Variants in RSPO3 observed in about 807,000 individuals in gnomAD.
RSPO3 encodes R-spondin 3, also known as R-spondin-3.
Under a neutral mutation model 36.5 loss-of-function variants are expected in RSPO3, and 17 were observed. That is an observed-to-expected ratio of 0.47 (90% CI 0.32 to 0.70). The LOEUF (loss-of-function observed/expected upper bound fraction) is 0.70, where lower values mean the gene tolerates loss of function less well. RSPO3 is among the 30% of genes least tolerant of loss of function. RSPO3 has a pLI of 0.04. For missense variants in RSPO3, 294 were observed against 322.5 expected (o/e 0.91, Z 0.68); for synonymous variants, 108 against 107.0 (o/e 1.01, Z -0.06).
At position 127,130,736 on chromosome 6, in the gene RSPO3, CG is replaced by C. The variant is rs528858107; in HGVS notation, c.97+11449del. On this transcript the variant is annotated intron_variant, in intron 1 of 4. Coordinates refer to ENST00000356698, the MANE Select transcript of RSPO3 (RefSeq NM_032784.5). ...TGTAGTTTCTGCCATAAAATACAAA[CG>C]GTATGGACAAATGCTGCTTGGCCAC... 4.6e-3 allele frequency among the ~76,000 whole-genome samples: 696 copies of C among 152,162 alleles called. 9 individuals are homozygous for C. Among genetic ancestry groups the C allele is most frequent in the African/African-American group, 0.016 (663 of 41,536 alleles).
Position 127,122,393 on chromosome 6 carries a change from CT to C in RSPO3, c.97+3113del, listed in dbSNP as rs565551445. Among the ~76,000 whole-genome samples the C allele has an allele frequency of 5.4e-3, 814 of 151,492 alleles. 8 individuals are homozygous for C. The highest frequency in any genetic ancestry group is 0.018 in the African/African-American group (740 of 41,370). On this transcript the variant is annotated intron_variant, in intron 1 of 4. Transcript: ENST00000356698. ...TGTGTGCTAATAACATTAAGAAGCA[CT>C]TTTTTTTTGCCATAATGATAGCCAC... is the stretch of plus-strand genomic sequence containing the variant.
At chr6:127,131,374 T>A (rs946742100) in intron 1 of RSPO3, among the ~76,000 whole-genome samples, 1 of 152,128 alleles carries the variant, frequency 6.6e-6, no homozygotes, top group Non-Finnish European at 1.5e-5. Context: ...TTTTAAACTG[T>A]TTGCCTCTGA....
At chr6:127,127,424 G>C (rs1773959783) in intron 1 of RSPO3, among the ~76,000 whole-genome samples, 1 of 152,076 alleles carries the variant, frequency 6.6e-6, no homozygotes, top group Non-Finnish European at 1.5e-5. Flanking sequence ...CAGCTTTTTA[G>C]CTCTCAGAGC....
chr6:127,125,128 T>C (rs1172235913), intron 1 of RSPO3, among the ~76,000 whole-genome samples: 1 of 152,082 alleles, frequency 6.6e-6, no homozygotes, highest in Non-Finnish European at 1.5e-5. Context: ...GTAGCTAAAA[T>C]TTTTCTTGAA....
chr6:127,166,281 T>C (rs898828818), intron 4 of RSPO3, among the ~76,000 whole-genome samples: 1 of 151,998 alleles, frequency 6.6e-6, no homozygotes, highest in African/African-American at 2.4e-5. Flanking sequence ...ATTCAACCAT[T>C]CTGCTATTGA....
At chr6:127,168,088 C>A (rs1774858376) in intron 4 of RSPO3, among the ~76,000 whole-genome samples, 2 of 152,222 alleles carry the variant, frequency 1.3e-5, no homozygotes, top group South Asian at 4.1e-4. Context: ...TTTATAGCAG[C>A]ATGATGTATA....
chr6:127,131,061 C>A (rs1774043310), intron 1 of RSPO3, among the ~76,000 whole-genome samples: 1 of 152,098 alleles, frequency 6.6e-6, no homozygotes, highest in Non-Finnish European at 1.5e-5. Flanking sequence ...AGCCAACTTT[C>A]CAGTTCTATC....
At chr6:127,179,355 G>T (rs1775134271) in intron 4 of RSPO3, among the ~76,000 whole-genome samples, 1 of 151,784 alleles carries the variant, frequency 6.6e-6, no homozygotes, top group Non-Finnish European at 1.5e-5. Flanking sequence ...TGATTTATTA[G>T]TTTGCATCTT....
At chr6:127,170,731 C>T (rs955354372) in intron 4 of RSPO3, among the ~76,000 whole-genome samples, 3 of 151,666 alleles carry the variant, frequency 2.0e-5, no homozygotes, top group Non-Finnish European at 2.9e-5. Flanking sequence ...CACGCCACAG[C>T]ATAGATAAAC....
chr6:127,171,920 T>C (rs1163977700), intron 4 of RSPO3, among the ~76,000 whole-genome samples: 3 of 151,564 alleles, frequency 2.0e-5, no homozygotes, highest in African/African-American at 4.8e-5. Flanking sequence ...AGATGACACA[T>C]GTATATTGCT....
At chr6:127,136,473 G>T (rs1386835144) in intron 1 of RSPO3, among the ~76,000 whole-genome samples, 1 of 151,970 alleles carries the variant, frequency 6.6e-6, no homozygotes, top group South Asian at 2.1e-4. Context: ...GTTCAAATCT[G>T]ATCCTGAGCT....
intron 4 of RSPO3, among the ~76,000 whole-genome samples, chr6:127,168,912 T>C (rs1288289461): frequency 6.6e-6 from 1 of 152,104 alleles, no homozygotes; most frequent in African/African-American, 2.4e-5. Context: ...TGGTTATAGA[T>C]GTGTGGTATT....
In RSPO3 at chr6:127,119,177, G is replaced by A. The variant is rs1562237234; in HGVS notation, c.-16G>A. On this transcript the variant is annotated 5_prime_UTR_variant, in exon 1 of 5. Coordinates refer to ENST00000356698, the MANE Select transcript of RSPO3 (RefSeq NM_032784.5). Reference sequence around the variant, plus strand: ...AAAGAAAGAGGAGAAAGGAAGGGAAGCATTACTGGGTTACTATGCACTTGC... The same window carrying A: ...AAAGAAAGAGGAGAAAGGAAGGGAAACATTACTGGGTTACTATGCACTTGC... 1.3e-6 allele frequency: 2 copies of A among 1,539,796 alleles called. No individual in the cohort carries two copies. Among genetic ancestry groups the A allele is most frequent in the Admixed American group, 1.7e-5 (1 of 59,158 alleles).
intron 4 of RSPO3, among the ~76,000 whole-genome samples, chr6:127,173,409 T>G (rs1774982441): frequency 6.6e-6 from 1 of 151,878 alleles, no homozygotes; most frequent in Non-Finnish European, 1.5e-5. Context: ...TTAAGTGGTT[T>G]GTGCAATTTT....
At chr6:127,144,781 T>C in intron 1 of RSPO3, among the ~76,000 whole-genome samples, 1 of 151,468 alleles carries the variant, frequency 6.6e-6, no homozygotes, top group East Asian at 2.0e-4. Context: ...ACCACCACAC[T>C]GGGCTAATTT....
At chr6:127,168,510 T>C (rs1416314784) in intron 4 of RSPO3, among the ~76,000 whole-genome samples, 1 of 152,172 alleles carries the variant, frequency 6.6e-6, no homozygotes, top group Admixed American at 6.6e-5. Flanking sequence ...TAGCCCTTTT[T>C]CAAATGGGTA....
At chr6:127,125,558 T>G (rs562917643) in intron 1 of RSPO3, among the ~76,000 whole-genome samples, 3 of 152,284 alleles carry the variant, frequency 2.0e-5, no homozygotes, top group Admixed American at 1.3e-4. Context: ...TATGAGAATA[T>G]AAGTCACAAC....
At position 127,197,345 on chromosome 6, in the gene RSPO3, A is replaced by G. The variant is rs1775534773; in HGVS notation, c.*1338A>G. 2 of 1,520,076 alleles carry G rather than the reference A, an allele frequency of 1.3e-6. No homozygotes were observed. The highest frequency in any genetic ancestry group is 4.1e-5 in the Admixed American group (2 of 49,236). 94.2% of individuals were successfully genotyped at this position (1,520,076 alleles called of 1,614,324 possible). ...CCTTCATTGCTTAGAAATGGGCATC[A>G]TTTCTTGTATGTCAGATCCCCCTGC... On this transcript the variant is annotated 3_prime_UTR_variant, in exon 5 of 5. Transcript: ENST00000356698.
At chr6:127,131,390 G>A (rs141238547) in intron 1 of RSPO3, among the ~76,000 whole-genome samples, 1 of 152,208 alleles carries the variant, frequency 6.6e-6, no homozygotes, top group Non-Finnish European at 1.5e-5. Flanking sequence ...TCTGAACTGA[G>A]TATGTGCTCT....
Sources: allele counts gnomAD v4.1 joint callset (sites outside exome capture counted in the v4.1 genomes callset), GRCh38; gene constraint gnomAD v4.1.1; transcripts MANE v1.5; gene names NCBI Gene and HGNC (gene_info 2026-07-23, HGNC 2026-07-21).